Variants in DRAP1 observed in about 807,000 individuals in gnomAD.
DRAP1 encodes the protein DR1 associated protein 1, also known as dr1-associated corepressor.
A neutral mutation model predicts 24.1 loss-of-function variants in DRAP1; 10 were observed. That is an observed-to-expected ratio of 0.41 (90% CI 0.26 to 0.70). The LOEUF (loss-of-function observed/expected upper bound fraction) is 0.70. DRAP1 is among the 30% of genes least tolerant of loss of function. DRAP1 has a pLI of 0.29. For synonymous variants in DRAP1, 122 were observed against 113.8 expected (o/e 1.07, Z -0.46); for missense variants, 264 against 275.6 (o/e 0.96, Z 0.30).
chr11:65,920,847 C>G (rs762584269), intron 5 of DRAP1, 37 bp from the exon 6 acceptor site: 20 of 1,583,844 alleles, frequency 1.3e-5, no homozygotes, highest in Admixed American at 9.1e-5. Flanking sequence ...GGGTTCGTGT[C>G]TTTTCTTGTC....
At chr11:65,919,670 C>A in intron 1 of DRAP1, 110 bp from the exon 2 acceptor site, 1 of 1,520,732 alleles carries the variant, frequency 6.6e-7, no homozygotes, top group Non-Finnish European at 8.9e-7. Context: ...TCCATGCCCT[C>A]CCCGCGTCCG....
rs756774845 is a variant in DRAP1, at chr11:65,921,473, G to A, written c.*38G>A. ...CCCAGACCATAGCCCCTTTTAGTTG[G>A]TTTTAGTTGCTCTGGGGGGAGGAGA... On this transcript the variant is annotated 3_prime_UTR_variant, in exon 7 of 7. Transcript: ENST00000312515. 3.8e-6 allele frequency: 4 copies of A among 1,045,810 alleles called. No individual in the cohort carries two copies. Among genetic ancestry groups the A allele is most frequent in the Non-Finnish European group, 4.4e-6 (3 of 679,160 alleles). The allele number at this position is 1,045,810 out of a possible 1,614,324, so 64.8% of individuals were successfully genotyped here. A position where few individuals can be genotyped will look rare whatever the true frequency, so the allele number is the denominator to read the frequency against.
In DRAP1 at chr11:65,921,186, C is replaced by A. The variant is rs541897887; in HGVS notation, c.513-144C>A. 2.1e-5 allele frequency: 14 copies of A among 680,792 alleles called. No individual in the cohort carries two copies. The East Asian group carries it at 4.0e-4, about 19-fold the overall frequency. 42.2% of individuals were successfully genotyped at this position (680,792 alleles called of 1,614,324 possible). ...GTGGGTGGGGCCTGGGCCTGCCCTG[C>A]GTGAGCTGCCCTGGGCCTTGGCCGC... On this transcript the variant is annotated intron_variant, in intron 6 of 6. Coordinates refer to ENST00000312515, the MANE Select transcript of DRAP1 (RefSeq NM_006442.4).
chr11:65,919,543 G>C lies in DRAP1; in HGVS notation c.42G>C (p.Pro14=). The change falls in exon 1 of 7, where the codon CCG becomes CCC. Residue 14 remains proline (P), a splice_region_variant and synonymous_variant. Transcript: ENST00000312515. ...KKKKYNARFP[P]ARIKKIMQTD... ...AGAAGTACAACGCGCGGTTCCCGCC[G>C]GTGAGCACGTGGCAGAGCCCGGCAG... 6.5e-7 allele frequency: 1 copy of C among 1,547,682 alleles called. No individual in the cohort carries two copies. Among genetic ancestry groups the C allele is most frequent in the South Asian group, 1.2e-5 (1 of 83,984 alleles).
chr11:65,919,529 G>T lies in DRAP1; in HGVS notation c.28G>T (p.Ala10Ser), dbSNP rs747634661. Reference protein sequence around the residue: MPSKKKKYNARFPPARIKKI... With the variant: MPSKKKKYNSRFPPARIKKI... ...GCCGAGCAAGAAGAAGAAGTACAAC[G>T]CGCGGTTCCCGCCGGTGAGCACGTG... The change falls in exon 1 of 7, where the codon GCG becomes TCG. Residue 10 changes from alanine to serine, a missense_variant. This residue lies in a region of DRAP1 where 21 missense variants were observed against 42.0 expected (regional missense o/e 0.50). Transcript: ENST00000312515. 1.3e-6 allele frequency: 2 copies of T among 1,546,470 alleles called. No individual in the cohort carries two copies. The highest frequency in any genetic ancestry group is 1.2e-5 in the South Asian group (1 of 83,876).
At chr11:65,921,126 C>G in intron 6 of DRAP1, 154 bp downstream of exon 6, 2 of 695,064 alleles carry the variant, frequency 2.9e-6, no homozygotes, top group Non-Finnish European at 4.7e-6. Flanking sequence ...GGAGACTGTT[C>G]TCCCGAAAGA....
At position 65,920,370 on chromosome 11, in the gene DRAP1, G is replaced by A. The variant is rs1854532574; in HGVS notation, c.237G>A (p.Gln79=). Reference sequence around the variant, plus strand: ...AGCAGTGCATCGAGCTGGAGCAGCAGTTTGACTTCTTGAAGGACCTGGTGG... The same window carrying A: ...AGCAGTGCATCGAGCTGGAGCAGCAATTTGACTTCTTGAAGGACCTGGTGG... ...HLKQCIELEQ[Q]FDFLKDLVAS... is the part of the protein sequence containing the mutation. Residue 79 remains glutamine, a synonymous_variant, in exon 4 of 7, where the codon CAG becomes CAA. Coordinates refer to ENST00000312515, the MANE Select transcript of DRAP1 (RefSeq NM_006442.4). 1 of 1,614,028 alleles carries A rather than the reference G, an allele frequency of 6.2e-7. No individual in the cohort carries two copies. Among genetic ancestry groups the A allele is most frequent in the Non-Finnish European group, 8.5e-7 (1 of 1,180,038 alleles).
At chr11:65,920,157 C>A in intron 3 of DRAP1, 116 bp downstream of exon 3, 1 of 1,436,690 alleles carries the variant, frequency 7.0e-7, no homozygotes, top group Non-Finnish European at 9.5e-7. Context: ...ACCAGCAAGG[C>A]CACAGACTGG....
rs774294429 is a variant in DRAP1 at position 65,920,440 on chromosome 11, G to A, written c.307G>A (p.Asp103Asn). 1 of 1,614,136 alleles carries A rather than the reference G, an allele frequency of 6.2e-7. No individual in the cohort carries two copies. The highest frequency in any genetic ancestry group is 8.5e-7 in the Non-Finnish European group (1 of 1,180,020). The change falls in exon 4 of 7, where the codon GAT becomes AAT. Residue 103 changes from aspartate (D) to asparagine (N), a missense_variant. Physicochemically the swap from Asp to Asn is conservative, Grantham distance 23. This residue lies in a region of DRAP1 where 243 missense variants were observed against 233.6 expected (regional missense o/e 1.04). Transcript: ENST00000312515. ...GGGGGACGGGGAAGACAACCACATG[G>A]ATGGGGACAAGGGCGCCCGCAGGTG... ...MQGDGEDNHM[D>N]GDKGARRGRK...
Position 65,919,530 on chromosome 11 carries a change from C to A in DRAP1, c.29C>A (p.Ala10Glu). 6.5e-7 allele frequency: 1 copy of A among 1,546,478 alleles called. No homozygotes were observed. Among genetic ancestry groups the A allele is most frequent in the Non-Finnish European group, 8.7e-7 (1 of 1,145,320 alleles). Reference protein sequence around the residue: MPSKKKKYNARFPPARIKKI... With the variant: MPSKKKKYNERFPPARIKKI... ...CCGAGCAAGAAGAAGAAGTACAACG[C>A]GCGGTTCCCGCCGGTGAGCACGTGG... Residue 10 changes from alanine to glutamate, a missense_variant, in exon 1 of 7, where the codon GCG becomes GAG. Physicochemically the swap from Ala to Glu is moderately radical, Grantham distance 107. This residue lies in a region of DRAP1 where 21 missense variants were observed against 42.0 expected (regional missense o/e 0.50). Transcript: ENST00000312515.
In DRAP1 at chr11:65,920,036, C is replaced by T. The variant is rs1313987995; in HGVS notation, c.204C>T (p.Ser68=). The change falls in exon 3 of 7, where the codon TCC becomes TCT. Residue 68 remains serine, a synonymous_variant. Coordinates refer to ENST00000312515, the MANE Select transcript of DRAP1 (RefSeq NM_006442.4). ...GGAACGCGAAGACCATGACCACATC[C>T]CACCTGTGAGCGGCGAGGAGCCGGG... ...QSRNAKTMTT[S]HLKQCIELEQ... is the part of the protein sequence containing the mutation. The T allele has an allele frequency of 1.2e-6, 2 of 1,613,346 alleles. No individual in the cohort carries two copies. Among genetic ancestry groups the T allele is most frequent in the South Asian group, 1.1e-5 (1 of 91,064 alleles).
intron 2 of DRAP1, 33 bp downstream of exon 2, chr11:65,919,885 C>T: frequency 6.2e-7 from 1 of 1,613,172 alleles, no homozygotes; most frequent in South Asian, 1.1e-5. Flanking sequence ...GGTCGAGGGG[C>T]GTGGGGGAGG....
chr11:65,920,479 G>T lies in DRAP1; in HGVS notation c.329+17G>T, dbSNP rs1461094879. The T allele has an allele frequency of 6.2e-7, 1 of 1,613,698 alleles. No individual in the cohort carries two copies. The highest frequency in any genetic ancestry group is 1.7e-5 in the Admixed American group (1 of 59,996). On this transcript the variant is annotated intron_variant, in intron 4 of 6. Coordinates refer to ENST00000312515, the MANE Select transcript of DRAP1 (RefSeq NM_006442.4). The stretch of plus-strand genomic sequence containing the variant: ...CGCCCGCAGGTGGGGCCAGGGCCTG[G>T]CATACAGTGGGGAAGGCCAAGGCCA...
In DRAP1 at chr11:65,921,386, C is replaced by T. The variant is rs368226803; in HGVS notation, c.569C>T (p.Pro190Leu). The stretch of plus-strand genomic sequence containing the variant: ...ACTCTGCCTTTGCCCCCAGCGCCCC[C>T]GGGCCCCTCAGCACCTGATGAAGAG... ...ASTLPLPPAP[P>L]GPSAPDEEDE... is the part of the protein sequence containing the mutation. Residue 190 changes from proline (P) to leucine (L), a missense_variant, in exon 7 of 7, where the codon CCG (proline) becomes CTG (leucine). Pro to Leu is a moderately conservative substitution (Grantham distance 98, BLOSUM62 -3). This residue lies in a region of DRAP1 where 243 missense variants were observed against 233.6 expected (regional missense o/e 1.04). Transcript: ENST00000312515. 89 of 1,611,342 alleles carry T rather than the reference C, an allele frequency of 5.5e-5. No individual in the cohort carries two copies. The highest frequency in any genetic ancestry group is 1.7e-4 in the Admixed American group (10 of 59,906).
rs199540648 is a variant in DRAP1 at position 65,920,902 on chromosome 11, G to C, written c.442G>C (p.Asp148His). ...CTCACAGGATGAATCTGAGGACACA[G>C]ATACTGATGGGGAAGAGGAGACATC... ...SEQEDESEDT[D>H]TDGEEETSQP... Residue 148 changes from aspartate (D) to histidine (H), a missense_variant, in exon 6 of 7, where the codon GAT becomes CAT. Asp to His is a moderately conservative substitution (Grantham distance 81, BLOSUM62 -1). Transcript: ENST00000312515. The C allele has an allele frequency of 9.9e-6, 16 of 1,613,380 alleles. No homozygotes were observed. The East Asian group carries it at 3.3e-4, about 34-fold the overall frequency.
Position 65,921,472 on chromosome 11 carries a change from G to T in DRAP1, c.*37G>T. 1.9e-6 allele frequency: 2 copies of T among 1,042,760 alleles called. No individual in the cohort carries two copies. The highest frequency in any genetic ancestry group is 1.6e-5 in the African/African-American group (1 of 63,336). 64.6% of individuals were successfully genotyped at this position (1,042,760 alleles called of 1,614,324 possible). On this transcript the variant is annotated 3_prime_UTR_variant, in exon 7 of 7. Coordinates refer to ENST00000312515, the MANE Select transcript of DRAP1 (RefSeq NM_006442.4). The stretch of plus-strand genomic sequence containing the variant: ...CCCCAGACCATAGCCCCTTTTAGTT[G>T]GTTTTAGTTGCTCTGGGGGGAGGAG...
rs747500157 is a variant in DRAP1, at chr11:65,921,356, C to T, written c.539C>T (p.Ala180Val). The T allele has an allele frequency of 1.2e-6, 2 of 1,610,150 alleles. No individual in the cohort carries two copies. The highest frequency in any genetic ancestry group is 8.5e-7 in the Non-Finnish European group (1 of 1,176,582). The part of the protein sequence containing the change: ...QSPPTPFLPF[A>V]STLPLPPAPP... ...CCCCCGACACCCTTCCTGCCCTTCGCCTCTACTCTGCCTTTGCCCCCAGCG... is the reference window on the plus strand; with the variant it reads ...CCCCCGACACCCTTCCTGCCCTTCGTCTCTACTCTGCCTTTGCCCCCAGCG... Residue 180 changes from alanine (A) to valine (V), a missense_variant, in exon 7 of 7, where the codon GCC becomes GTC. By Grantham distance (64) the Ala-to-Val change is moderately conservative. Transcript: ENST00000312515.
At chr11:65,920,259 C>G in intron 3 of DRAP1, 84 bp from the exon 4 acceptor site, 1 of 1,590,028 alleles carries the variant, frequency 6.3e-7, no homozygotes, top group Non-Finnish European at 8.6e-7. Context: ...TCCAGCCTGA[C>G]ATCTGGGGCC....
rs11546556 is a variant in DRAP1, at chr11:65,920,024, C to G, written c.192C>G (p.Thr64=). The G allele has an allele frequency of 8.2e-4, 1,329 of 1,613,604 alleles. 1 individual carries two copies. Among genetic ancestry groups the G allele is most frequent in the Non-Finnish European group, 1.0e-3 (1,217 of 1,179,924 alleles). ...CQVTQSRNAK[T]MTTSHLKQCI... Reference sequence around the variant, plus strand: ...TGACCCAGTCGCGGAACGCGAAGACCATGACCACATCCCACCTGTGAGCGG... The same window carrying G: ...TGACCCAGTCGCGGAACGCGAAGACGATGACCACATCCCACCTGTGAGCGG... Residue 64 remains threonine (T), a synonymous_variant, in exon 3 of 7, where the codon ACC becomes ACG. Coordinates refer to ENST00000312515, the MANE Select transcript of DRAP1 (RefSeq NM_006442.4).
Sources: gnomAD v4.1 joint callset for allele counts on GRCh38, gnomAD v4.1.1 for gene constraint, gnomAD v4.1.1 regional missense constraint, MANE v1.5 for transcripts, NCBI Gene and HGNC (gene_info 2026-07-23, HGNC 2026-07-21) for gene names.